RSPH3: variants seen among roughly 807,000 people sequenced by gnomAD.
RSPH3 encodes radial spoke head 3.
In RSPH3, 21 loss-of-function variants were observed where a neutral mutation model predicts 43.8. The ratio of observed to expected loss-of-function variants is 0.48; its 90% CI spans 0.34 to 0.69. The LOEUF is 0.69. Ranked by LOEUF, RSPH3 falls within the 30% of genes least tolerant of loss-of-function variation. The pLI, the probability that RSPH3 is intolerant of heterozygous loss-of-function variation, is 0.01. For synonymous variants in RSPH3, 173 were observed against 179.8 expected (o/e 0.96, Z 0.30); for missense variants, 487 against 516.0 (o/e 0.94, Z 0.54).
intron 2 of RSPH3, among the ~76,000 whole-genome samples, chr6:158,991,385 G>T (rs574745312): frequency 1.5e-4 from 23 of 152,280 alleles, no homozygotes; most frequent in Middle Eastern, 3.4e-3. Flanking sequence ...CCTGAGTGGG[G>T]TTGGAAGTTC....
At chr6:158,986,171 T>A (rs543782975) in intron 3 of RSPH3, 109 bp downstream of exon 3, 1 of 1,035,822 alleles carries the variant, frequency 9.7e-7, no homozygotes, top group Non-Finnish European at 1.4e-6. Flanking sequence ...CGGGGAAGTA[T>A]CAGAGAGCAC....
rs985340060 is a variant in RSPH3 at position 158,977,994 on chromosome 6, T to G, written c.947-146A>C. ...TCATAACCTTTTTTGGAAGTCAGCA[T>G]ACTTCACACTTAATGCATTAAATAT... On this transcript the variant is annotated intron_variant, in intron 7 of 7. Transcript: ENST00000367069. 3 of 668,918 alleles carry G rather than the reference T, an allele frequency of 4.5e-6. No homozygotes were observed. In the African/African-American group the frequency reaches 5.4e-5, roughly 12 times the overall value. 41.4% of individuals were successfully genotyped at this position (668,918 alleles called of 1,614,324 possible).
rs758891825 is a variant in RSPH3 at position 158,980,773 on chromosome 6, C to A, written c.859+1G>T. The A allele has an allele frequency of 1.5e-5, 24 of 1,610,996 alleles. No homozygotes were observed. Among genetic ancestry groups the A allele is most frequent in the Non-Finnish European group, 2.0e-5 (24 of 1,177,570 alleles). On this transcript the variant is annotated splice_donor_variant, in intron 6 of 7. Transcript: ENST00000367069. LOFTEE classifies it high-confidence loss of function. ...TTAATCTAACAAAAATATCTACAAA[C>A]CTCTTTCAATGGGATCATAAAAGTA...
At chr6:158,992,770 A>G (rs1038300883) in intron 2 of RSPH3, among the ~76,000 whole-genome samples, 2 of 152,150 alleles carry the variant, frequency 1.3e-5, no homozygotes, top group African/African-American at 2.4e-5. Context: ...TTATGGATTC[A>G]TCTGTATTTC....
chr6:158,987,248 T>C (rs1346645311), intron 2 of RSPH3, among the ~76,000 whole-genome samples: 1 of 152,188 alleles, frequency 6.6e-6, no homozygotes, highest in East Asian at 1.9e-4. Flanking sequence ...CTTTTTACAG[T>C]CTTTGATTTG....
At chr6:158,967,831 C>T in the RSPH3 span, among the ~76,000 whole-genome samples, 38 of 151,426 alleles carry the variant, frequency 2.5e-4, no homozygotes, top group African/African-American at 7.9e-4. Flanking sequence ...TACATTTCTT[C>T]ACCTCTTGTA....
In RSPH3 at chr6:158,999,557, GGGCTGACTGCCTCGCTTTCGGT is replaced by G. The variant is rs759502077; in HGVS notation, c.-29_-8del. 5 of 1,606,340 alleles carry G rather than the reference GGGCTGACTGCCTCGCTTTCGGT, an allele frequency of 3.1e-6. No individual in the cohort carries two copies. The highest frequency in any genetic ancestry group is 4.3e-6 in the Non-Finnish European group (5 of 1,174,608). On this transcript the variant is annotated 5_prime_UTR_variant, in exon 1 of 8. Coordinates refer to ENST00000367069, the MANE Select transcript of RSPH3 (RefSeq NM_031924.8). Reference sequence around the variant, plus strand: ...CAGTCAGCGCTGAGGCCATGTCCGGGGGCTGACTGCCTCGCTTTCGGTGGAGCTTGGCTTTGAAGCAGGTGGG... The same window carrying G: ...CAGTCAGCGCTGAGGCCATGTCCGGGGGAGCTTGGCTTTGAAGCAGGTGGG...
chr6:158,995,535 C>A (rs1376547252), intron 1 of RSPH3, among the ~76,000 whole-genome samples: 1 of 152,118 alleles, frequency 6.6e-6, no homozygotes, highest in African/African-American at 2.4e-5. Context: ...CTGACCTTTG[C>A]TTCTAATGAC....
chr6:158,990,669 A>G (rs964783145), intron 2 of RSPH3: 1 of 151,684 alleles, frequency 6.6e-6, no homozygotes, highest in Non-Finnish European at 1.5e-5. Context: ...TTAATTTTCA[A>G]AAGTTTGATC....
In RSPH3 at chr6:158,977,602, T is replaced by G; in HGVS notation, c.1193A>C (p.Glu398Ala). The G allele has an allele frequency of 6.2e-7, 1 of 1,613,964 alleles. No homozygotes were observed. The highest frequency in any genetic ancestry group is 8.5e-7 in the Non-Finnish European group (1 of 1,179,964). The change falls in exon 8 of 8, where the codon GAA (glutamate) becomes GCA (alanine). Residue 398 changes from glutamate (E) to alanine (A), a missense_variant. Coordinates refer to ENST00000367069, the MANE Select transcript of RSPH3 (RefSeq NM_031924.8). Reference protein sequence around the residue: ...SQERKFMEERELLGQDEETAM... With the variant: ...SQERKFMEERALLGQDEETAM... ...TGTTTCTTCATCTTGCCCTAAGAGTTCTCTCTCTTCCATAAACTTCCTTTC... is the reference window on the plus strand; with the variant it reads ...TGTTTCTTCATCTTGCCCTAAGAGTGCTCTCTCTTCCATAAACTTCCTTTC...
At chr6:158,983,570 G>A (rs1192845790) in intron 4 of RSPH3, 92 bp downstream of exon 4, 1 of 901,350 alleles carries the variant, frequency 1.1e-6, no homozygotes, top group African/African-American at 1.6e-5. Context: ...ATCTGATTGT[G>A]AAGTGGTTCT....
chr6:158,964,160 A>T, the RSPH3 span, among the ~76,000 whole-genome samples: 1 of 152,204 alleles, frequency 6.6e-6, no homozygotes, highest in Non-Finnish European at 1.5e-5. Flanking sequence ...AGGGGAAAAA[A>T]TTCTGAACAA....
intron 1 of RSPH3, among the ~76,000 whole-genome samples, chr6:158,999,053 G>A (rs1417160352): frequency 1.3e-5 from 2 of 152,196 alleles, no homozygotes; most frequent in East Asian, 3.8e-4. Context: ...CTGCATAATG[G>A]AGTTATAAAA....
At chr6:158,980,186 G>C (rs553296825) in intron 6 of RSPH3, among the ~76,000 whole-genome samples, 7 of 152,302 alleles carry the variant, frequency 4.6e-5, no homozygotes, top group African/African-American at 1.7e-4. Context: ...TCTAATCTCA[G>C]CTCTTTGGGA....
At chr6:158,985,972 C>A (rs1778223644) in intron 3 of RSPH3, among the ~76,000 whole-genome samples, 1 of 151,946 alleles carries the variant, frequency 6.6e-6, no homozygotes, top group African/African-American at 2.4e-5. Flanking sequence ...CACCACCATG[C>A]CCAGCTAATT....
At chr6:158,985,801 T>C (rs1212238255) in intron 3 of RSPH3, among the ~76,000 whole-genome samples, 1 of 147,730 alleles carries the variant, frequency 6.8e-6, no homozygotes, top group Non-Finnish European at 1.5e-5. Flanking sequence ...TATGTATTTC[T>C]CTCTCTCTCT....
chr6:158,979,265 A>AGT (rs5881299), intron 6 of RSPH3, among the ~76,000 whole-genome samples: 36,814 of 151,974 alleles, frequency 0.24, 5,886 homozygotes, highest in East Asian at 0.41. Context: ...TGAAATGGAG[A>AGT]GTGATAGAAT....
At chr6:158,983,617 T>G in intron 4 of RSPH3, 45 bp downstream of exon 4, 1 of 1,467,038 alleles carries the variant, frequency 6.8e-7, no homozygotes, top group Non-Finnish European at 9.6e-7. Context: ...TAACTTTACC[T>G]CATTTATAAA....
At position 158,980,812 on chromosome 6, in the gene RSPH3, AG is replaced by A; in HGVS notation, c.820del (p.Leu274SerfsTer17). 6.2e-7 allele frequency: 1 copy of A among 1,614,164 alleles called. No homozygotes were observed. The highest frequency in any genetic ancestry group is 1.1e-5 in the South Asian group (1 of 91,088). ...ATCATAAAAGTAGCCACTATCCCTG[AG>A]GCTGCCAAAAACAGACGGGAGAAGG... ...ADLLPSVFGS[L>X]RDSGYFYDPI... On this transcript the variant is annotated frameshift_variant, in exon 6 of 8. Coordinates refer to ENST00000367069, the MANE Select transcript of RSPH3 (RefSeq NM_031924.8). LOFTEE classifies it high-confidence loss of function.
Sources: gnomAD v4.1 joint callset for allele counts (sites outside exome capture counted in the v4.1 genomes callset) on GRCh38, gnomAD v4.1.1 for gene constraint, MANE v1.5 for transcripts, NCBI Gene and HGNC (gene_info 2026-07-23, HGNC 2026-07-21) for gene names.